The following PACSIN2 variants were observed in gnomAD, a reference collection of about 807,000 sequenced individuals.
PACSIN2 encodes the protein protein kinase C and casein kinase substrate in neurons 2, also known as protein kinase C and casein kinase substrate in neurons protein 2.
In PACSIN2, 25 loss-of-function variants were observed where a neutral mutation model predicts 63.8. That is an observed-to-expected ratio of 0.39 (90% CI 0.29 to 0.55). The LOEUF (loss-of-function observed/expected upper bound fraction) is 0.55. Ranked by LOEUF, PACSIN2 falls within the 20% of genes least tolerant of loss-of-function variation. PACSIN2 has a pLI of 0.62. For synonymous variants in PACSIN2, 255 were observed against 256.2 expected, an observed-to-expected ratio of 1.00 and a Z score of 0.05; for missense variants, 518 against 646.9, an observed-to-expected ratio of 0.80 and a Z score of 2.16.
At chr22:42,929,242 A>G (rs1047862864) in intron 1 of PACSIN2, among the ~76,000 whole-genome samples, 2 of 152,260 alleles carry the variant, frequency 1.3e-5, no homozygotes, top group African/African-American at 4.8e-5. Flanking sequence ...ATGCTTCCCA[A>G]GCACGTCCAC....
intron 1 of PACSIN2, among the ~76,000 whole-genome samples, chr22:42,968,762 A>G (rs1227038595): frequency 6.6e-6 from 1 of 152,204 alleles, no homozygotes; most frequent in African/African-American, 2.4e-5. Flanking sequence ...AATGTCCTGG[A>G]GCTGGGATGC....
intron 2 of PACSIN2, among the ~76,000 whole-genome samples, chr22:42,905,688 G>C (rs1244819171): frequency 6.6e-6 from 1 of 152,256 alleles, no homozygotes; most frequent in Non-Finnish European, 1.5e-5. Flanking sequence ...ACACCAAAGG[G>C]CATGAAAGAG....
intron 2 of PACSIN2, among the ~76,000 whole-genome samples, chr22:42,910,789 T>C (rs1048173180): frequency 6.6e-6 from 1 of 152,250 alleles, no homozygotes; most frequent in Non-Finnish European, 1.5e-5. Context: ...AGAGAGGACC[T>C]GCATGCTCTG....
At chr22:42,922,076 G>A (rs1932234074) in intron 1 of PACSIN2, among the ~76,000 whole-genome samples, 1 of 152,194 alleles carries the variant, frequency 6.6e-6, no homozygotes, top group Non-Finnish European at 1.5e-5. Flanking sequence ...GGGAATCCGG[G>A]AATGACTGAG....
chr22:42,886,659 G>T (rs1929509845), intron 5 of PACSIN2, among the ~76,000 whole-genome samples: 1 of 152,138 alleles, frequency 6.6e-6, no homozygotes, highest in African/African-American at 2.4e-5. Flanking sequence ...TAGAGATGAG[G>T]TCTCACTATG....
chr22:42,987,475 CACACACACACACACACACCCAT>C (rs1250875905), intron 1 of PACSIN2, among the ~76,000 whole-genome samples: 55 of 120,836 alleles, frequency 4.6e-4, no homozygotes, highest in East Asian at 1.3e-3. Context: ...CACACACACA[CACACACACACACACACACCCAT>C]GGCACCATGT....
intron 1 of PACSIN2, among the ~76,000 whole-genome samples, chr22:42,964,387 C>T (rs1920936039): frequency 6.7e-6 from 1 of 148,758 alleles, no homozygotes; most frequent in African/African-American, 2.5e-5. Context: ...CATTACACTC[C>T]AGCCTGGGCG....
At chr22:42,891,286 T>C (rs1602192874) in intron 3 of PACSIN2, 104 bp from the exon 4 acceptor site, 2 of 676,360 alleles carry the variant, frequency 3.0e-6, no homozygotes, top group Admixed American at 2.7e-5. Flanking sequence ...CCACAGAGGG[T>C]TTCCTTTCAG....
At chr22:43,009,046 A>T (rs1924281207) in intron 1 of PACSIN2, among the ~76,000 whole-genome samples, 1 of 152,234 alleles carries the variant, frequency 6.6e-6, no homozygotes, top group Admixed American at 6.5e-5. Context: ...AGAGAGAAAA[A>T]CAGTCCTTTC....
At chr22:42,984,674 A>G (rs1002899391) in intron 1 of PACSIN2, among the ~76,000 whole-genome samples, 2 of 152,228 alleles carry the variant, frequency 1.3e-5, no homozygotes, top group Non-Finnish European at 2.9e-5. Flanking sequence ...GGTAAACCAG[A>G]AGGAAAGGAA....
At chr22:42,960,497 A>G (rs532732264) in intron 1 of PACSIN2, among the ~76,000 whole-genome samples, 25 of 152,218 alleles carry the variant, frequency 1.6e-4, no homozygotes, top group Non-Finnish European at 3.2e-4. Flanking sequence ...CAAATACGCA[A>G]CTGTGATTAC....
chr22:42,907,505 C>G (rs1156276037), intron 2 of PACSIN2, among the ~76,000 whole-genome samples: 1 of 152,250 alleles, frequency 6.6e-6, no homozygotes, highest in Non-Finnish European at 1.5e-5. Context: ...GATAATTAAG[C>G]TGATGCGCAC....
At chr22:42,970,834 G>C (rs932996070) in intron 1 of PACSIN2, among the ~76,000 whole-genome samples, 4 of 152,170 alleles carry the variant, frequency 2.6e-5, no homozygotes, top group East Asian at 1.9e-4. Flanking sequence ...TGGAGTGCTT[G>C]TGGTAACAAG....
At chr22:42,964,610 G>A (rs1920937904) in intron 1 of PACSIN2, among the ~76,000 whole-genome samples, 1 of 152,066 alleles carries the variant, frequency 6.6e-6, no homozygotes, top group South Asian at 2.1e-4. Context: ...CATAGGAGGT[G>A]GGGTACCTGG....
At chr22:42,962,502 G>A (rs1295005786) in intron 1 of PACSIN2, among the ~76,000 whole-genome samples, 1 of 151,450 alleles carries the variant, frequency 6.6e-6, no homozygotes, top group Non-Finnish European at 1.5e-5. Flanking sequence ...ACTGGGTCTT[G>A]GATAGTTTCT....
intron 1 of PACSIN2, among the ~76,000 whole-genome samples, chr22:42,991,408 C>T (rs941436393): frequency 1.8e-4 from 27 of 152,206 alleles, no homozygotes; most frequent in Admixed American, 1.2e-3. Flanking sequence ...AGCCCCACCC[C>T]ACCCATCCAG....
rs987648512 is a variant in PACSIN2 at position 42,955,075 on chromosome 22, C to T, written c.-77-42918G>A. 2.0e-5 allele frequency among the ~76,000 whole-genome samples: 3 copies of T among 152,078 alleles called. No homozygotes were observed. In the South Asian group the frequency reaches 6.2e-4, roughly 32 times the overall value. On this transcript the variant is annotated intron_variant, in intron 1 of 10. Transcript: ENST00000263246. ...CTCATCATCAAACTGGAGTTTCCCC[C>T]CAATCTCCTCCATTCTTCATGGCAG... is the stretch of plus-strand genomic sequence containing the variant.
intron 10 of PACSIN2, among the ~76,000 whole-genome samples, chr22:42,872,736 C>T (rs1602157298): frequency 6.6e-6 from 1 of 152,218 alleles, no homozygotes; most frequent in South Asian, 2.1e-4. Flanking sequence ...AGTGTTAAGA[C>T]ACTAAAGAAC....
At chr22:42,873,055 A>G (rs1193434954) in intron 10 of PACSIN2, among the ~76,000 whole-genome samples, 1 of 152,172 alleles carries the variant, frequency 6.6e-6, no homozygotes, top group African/African-American at 2.4e-5. Context: ...CAAGAGACGT[A>G]AGTCAAGCCA....
Sources: allele counts gnomAD v4.1 joint callset (sites outside exome capture counted in the v4.1 genomes callset), GRCh38; gene constraint gnomAD v4.1.1; transcripts MANE v1.5; gene names NCBI Gene and HGNC (gene_info 2026-07-23, HGNC 2026-07-21).